Variants in IPCEF1 observed in about 807,000 individuals in gnomAD.
IPCEF1 encodes the protein interactor protein for cytohesin exchange factors 1.
Under a neutral mutation model 50.9 loss-of-function variants are expected in IPCEF1, and 31 were observed. The observed-to-expected ratio is 0.61, with a 90% CI of 0.46 to 0.82. The LOEUF (loss-of-function observed/expected upper bound fraction) is 0.82, where lower values mean the gene tolerates loss of function less well. Ranked by LOEUF, IPCEF1 falls within the 40% of genes least tolerant of loss-of-function variation. IPCEF1 has a pLI of 0.00. For synonymous variants in IPCEF1, 181 were observed against 192.0 expected (o/e 0.94, Z 0.47); for missense variants, 458 against 514.0 (o/e 0.89, Z 1.05).
intron 1 of IPCEF1, among the ~76,000 whole-genome samples, chr6:154,302,666 G>A (rs1782827556): frequency 6.6e-6 from 1 of 152,040 alleles, no homozygotes; most frequent in Non-Finnish European, 1.5e-5. Flanking sequence ...GTGGAGACAG[G>A]GCTTCACCAT....
At position 154,169,011 on chromosome 6, in the gene IPCEF1, C is replaced by G. The variant is rs558604830; in HGVS notation, c.911-898G>C. Among the ~76,000 whole-genome samples the G allele has an allele frequency of 3.3e-5, 5 of 152,088 alleles. No individual in the cohort carries two copies. In the East Asian group the frequency reaches 9.7e-4, roughly 29 times the overall value. ...GTGCAATATATTCACCTCATCCCAA[C>G]AACTCCAAAAGTCTTAACCCATTCC... On this transcript the variant is annotated intron_variant, in intron 10 of 11. Transcript: ENST00000367220.
At chr6:154,232,699 C>T (rs529486612) in intron 5 of IPCEF1, among the ~76,000 whole-genome samples, 1 of 152,058 alleles carries the variant, frequency 6.6e-6, no homozygotes, top group African/African-American at 2.4e-5. Context: ...ATTAATGTCT[C>T]GATGTAAGCC....
At chr6:154,200,115 T>G (rs188233400) in intron 9 of IPCEF1, 75 bp from the exon 10 acceptor site, 3 of 1,323,672 alleles carry the variant, frequency 2.3e-6, no homozygotes, top group African/African-American at 3.0e-5. Context: ...CCTTTTATTT[T>G]CAATCACGGT....
rs1562537442 is a variant in IPCEF1, at chr6:154,199,948, A to G, written c.630T>C (p.Ser210=). Reference sequence around the variant, plus strand: ...TCTCTTTAGATAAGGAGGAAGGAAAACTGCTGGGTGTCTTCACTGTATTTT... The same window carrying G: ...TCTCTTTAGATAAGGAGGAAGGAAAGCTGCTGGGTGTCTTCACTGTATTTT... The part of the protein sequence containing the change: ...SLENTVKTPS[S]FPSSLSKERQ... The change falls in exon 10 of 12, where the codon AGT becomes AGC. Residue 210 remains serine (S), a synonymous_variant. Transcript: ENST00000367220. 1.2e-6 allele frequency: 2 copies of G among 1,614,216 alleles called. No homozygotes were observed. Among genetic ancestry groups the G allele is most frequent in the Non-Finnish European group, 1.7e-6 (2 of 1,180,034 alleles).
chr6:154,265,742 G>T (rs1234197284), intron 3 of IPCEF1, among the ~76,000 whole-genome samples, 170 bp downstream of exon 3: 2 of 152,162 alleles, frequency 1.3e-5, no homozygotes, highest in Non-Finnish European at 2.9e-5. Context: ...GGTCTTAAAT[G>T]CTTGATAACC....
rs1470885273 is a variant in IPCEF1 at position 154,246,622 on chromosome 6, C to G, written c.215G>C (p.Gly72Ala). The G allele has an allele frequency of 1.2e-6, 2 of 1,613,854 alleles. No homozygotes were observed. Among genetic ancestry groups the G allele is most frequent in the Admixed American group, 1.7e-5 (1 of 59,996 alleles). Residue 72 changes from glycine (G) to alanine (A), a missense_variant, in exon 5 of 12, where the codon GGG becomes GCG. By Grantham distance (60) the Gly-to-Ala change is moderately conservative (BLOSUM62 0). Transcript: ENST00000367220. Reference sequence around the variant, plus strand: ...ATTGCTATACCAGTACAGTGACGACCCCTTCAGTATCACCCAGAACTTTTT... The same window carrying G: ...ATTGCTATACCAGTACAGTGACGACGCCTTCAGTATCACCCAGAACTTTTT... ...KWKKFWVILK[G>A]SSLYWYSNQM...
chr6:154,348,045 C>T (rs35984476), intron 1 of IPCEF1, among the ~76,000 whole-genome samples: 17,475 of 152,130 alleles, frequency 0.11, 1,081 homozygotes, highest in South Asian at 0.16. Context: ...TTGCTCAGCC[C>T]ACTTACTGTG....
intron 5 of IPCEF1, among the ~76,000 whole-genome samples, chr6:154,240,214 A>G (rs1780470571): frequency 1.3e-5 from 2 of 152,250 alleles, no homozygotes; most frequent in Admixed American, 1.3e-4. Flanking sequence ...GTAATAATTA[A>G]GCAATTCCTT....
At chr6:154,330,809 T>G (rs147844403) in intron 1 of IPCEF1, among the ~76,000 whole-genome samples, 1 of 152,274 alleles carries the variant, frequency 6.6e-6, no homozygotes, top group Admixed American at 6.5e-5. Context: ...AGAGGCAAAA[T>G]AGTCTGGCTT....
At chr6:154,237,427 A>G (rs958150633) in intron 5 of IPCEF1, among the ~76,000 whole-genome samples, 6 of 152,234 alleles carry the variant, frequency 3.9e-5, no homozygotes, top group Non-Finnish European at 8.8e-5. Flanking sequence ...GATCATAGTC[A>G]CTGAGAAAAA....
At chr6:154,176,124 C>T (rs1346261716) in intron 10 of IPCEF1, among the ~76,000 whole-genome samples, 1 of 152,136 alleles carries the variant, frequency 6.6e-6, no homozygotes, top group Non-Finnish European at 1.5e-5. Flanking sequence ...AATCAACAGC[C>T]TTTCGTGCTA....
chr6:154,173,126 C>T (rs2128558887), intron 10 of IPCEF1, among the ~76,000 whole-genome samples: 1 of 152,280 alleles, frequency 6.6e-6, no homozygotes, highest in South Asian at 2.1e-4. Context: ...GCATCAACAT[C>T]AACAAAAAGG....
At chr6:154,346,297 A>C (rs1784028264) in intron 1 of IPCEF1, among the ~76,000 whole-genome samples, 1 of 152,366 alleles carries the variant, frequency 6.6e-6, no homozygotes, top group East Asian at 1.9e-4. Flanking sequence ...ATCATTGGCA[A>C]TAAAATGCAT....
intron 1 of IPCEF1, among the ~76,000 whole-genome samples, chr6:154,324,266 T>A (rs1481500828): frequency 1.3e-5 from 2 of 152,160 alleles, no homozygotes; most frequent in Non-Finnish European, 2.9e-5. Flanking sequence ...AATATTTGGA[T>A]ATATAAAATA....
At chr6:154,219,558 G>A (rs1457182102) in intron 7 of IPCEF1, among the ~76,000 whole-genome samples, 3 of 152,074 alleles carry the variant, frequency 2.0e-5, no homozygotes, top group South Asian at 2.1e-4. Flanking sequence ...AAGTGCTAGC[G>A]GGCGAGACCT....
chr6:154,296,626 A>G lies in IPCEF1; in HGVS notation c.-61-6870T>C, dbSNP rs370587026. On this transcript the variant is annotated intron_variant, in intron 1 of 11. Transcript: ENST00000367220. ...GGGCAGATCACGAGGTCAGGAGATC[A>G]AGACCATCCTGGCTAACACAGTGAA... Among the ~76,000 whole-genome samples the G allele has an allele frequency of 1.1e-3, 175 of 152,186 alleles. 1 individual carries two copies. The highest frequency in any genetic ancestry group is 3.4e-3 in the Middle Eastern group (1 of 294).
intron 2 of IPCEF1, among the ~76,000 whole-genome samples, chr6:154,286,124 G>T (rs1251077990): frequency 6.6e-6 from 1 of 152,018 alleles, no homozygotes. Context: ...AACTAAATAT[G>T]AACTGTTTGC....
At chr6:154,242,564 T>C (rs1780681010) in intron 5 of IPCEF1, among the ~76,000 whole-genome samples, 1 of 152,056 alleles carries the variant, frequency 6.6e-6, no homozygotes, top group South Asian at 2.1e-4. Flanking sequence ...GACAAGCAAG[T>C]ACTCAAAAAA....
intron 1 of IPCEF1, among the ~76,000 whole-genome samples, chr6:154,339,806 C>T (rs1281803494): frequency 4.6e-5 from 7 of 152,064 alleles, no homozygotes; most frequent in Non-Finnish European, 1.0e-4. Flanking sequence ...ATGTATAACC[C>T]AGGCTCGTCT....
Sources: allele counts gnomAD v4.1 joint callset (sites outside exome capture counted in the v4.1 genomes callset), GRCh38; gene constraint gnomAD v4.1.1; transcripts MANE v1.5; gene names NCBI Gene and HGNC (gene_info 2026-07-23, HGNC 2026-07-21).